Variants in KCNQ1 observed in about 807,000 individuals in gnomAD.
KCNQ1 encodes the protein potassium voltage-gated channel subfamily Q member 1.
Under a neutral mutation model 72.4 loss-of-function variants are expected in KCNQ1, and 49 were observed. The ratio of observed to expected loss-of-function variants is 0.68; its 90% CI spans 0.54 to 0.86. The LOEUF (loss-of-function observed/expected upper bound fraction) is 0.86, where lower values mean the gene tolerates loss of function less well. KCNQ1 is among the 40% of genes least tolerant of loss of function. The pLI is 0.00. For missense variants in KCNQ1, 790 were observed against 945.1 expected (o/e 0.84, Z 2.15); for synonymous variants, 450 against 412.6 (o/e 1.09, Z -1.10).
intron 6 of KCNQ1, among the ~76,000 whole-genome samples, chr11:2,582,485 C>T (rs1848514910): frequency 6.6e-6 from 1 of 152,242 alleles, no homozygotes; most frequent in Admixed American, 6.5e-5. Flanking sequence ...CTGGGGCATT[C>T]CTGGGCCTGC....
Position 2,809,011 on chromosome 11 carries a change from G to A in KCNQ1, c.1794+30974G>A, listed in dbSNP as rs1847432700. On this transcript the variant is annotated intron_variant, in intron 15 of 15. Transcript: ENST00000155840. This position sits in a 1 kb window ranked among gnomAD's most constrained non-coding sequence, Gnocchi z 7.1. ...TGGAGGGAGGGAGGGAAGGAGGGAT[G>A]GATAAATGGAGGAATGGAGGAATGG... 6.7e-6 allele frequency among the ~76,000 whole-genome samples: 1 copy of A among 148,232 alleles called. No homozygotes were observed. Among genetic ancestry groups the A allele is most frequent in the Non-Finnish European group, 1.5e-5 (1 of 67,184 alleles).
chr11:2,502,051 T>A (rs1178867975), intron 1 of KCNQ1, among the ~76,000 whole-genome samples: 1 of 152,090 alleles, frequency 6.6e-6, no homozygotes. Flanking sequence ...TACCTCAACA[T>A]AATAAAAGCC....
Position 2,471,706 on chromosome 11 carries a change from GT to G in KCNQ1, c.386+26223del, listed in dbSNP as rs1846464890. ...TGTATGGGTGTGCATGTGTGTATAGGTGTGTGTATGTGTGCATGGGCGTGTG... is the reference window on the plus strand; with the variant it reads ...TGTATGGGTGTGCATGTGTGTATAGGGTGTGTATGTGTGCATGGGCGTGTG... On this transcript the variant is annotated intron_variant, in intron 1 of 15. Coordinates refer to ENST00000155840, the MANE Select transcript of KCNQ1 (RefSeq NM_000218.3). The surrounding 1 kb of genome is among the most constrained non-coding windows in gnomAD (Gnocchi z 4.8). Among the ~76,000 whole-genome samples, 7 of 150,704 alleles carry G rather than the reference GT, an allele frequency of 4.6e-5. No homozygotes were observed. In the East Asian group the frequency reaches 5.9e-4, roughly 13 times the overall value.
Position 2,735,797 on chromosome 11 carries a change from C to A in KCNQ1, c.1515-33047C>A, listed in dbSNP as rs1252289025. ...TTCCCCGGTGTTCTCATGGGGCCAT[C>A]CCTCTGTGTGTGCCCGAGTCACCTT... On this transcript the variant is annotated intron_variant, in intron 11 of 15. Coordinates refer to ENST00000155840, the MANE Select transcript of KCNQ1 (RefSeq NM_000218.3). This position sits in a 1 kb window ranked among gnomAD's most constrained non-coding sequence, Gnocchi z 7.7. Among the ~76,000 whole-genome samples the A allele has an allele frequency of 6.6e-6, 1 of 152,174 alleles. No individual in the cohort carries two copies. The highest frequency in any genetic ancestry group is 2.4e-5 in the African/African-American group (1 of 41,416).
At position 2,690,342 on chromosome 11, in the gene KCNQ1, C is replaced by G; in HGVS notation, c.1514+28261C>G. 7.5e-6 allele frequency: 3 copies of G among 398,658 alleles called. No individual in the cohort carries two copies. The highest frequency in any genetic ancestry group is 1.3e-5 in the Non-Finnish European group (3 of 226,100). The allele number at this position is 398,658 out of a possible 1,614,324, so 24.7% of individuals were successfully genotyped here. A position where few individuals can be genotyped will look rare whatever the true frequency, so the allele number is the denominator to read the frequency against. On this transcript the variant is annotated intron_variant, in intron 11 of 15. Coordinates refer to ENST00000155840, the MANE Select transcript of KCNQ1 (RefSeq NM_000218.3). The surrounding 1 kb of genome is among the most constrained non-coding windows in gnomAD (Gnocchi z 5.1). ...TAAATGATGTCAAGTCTGAGGCTGC[C>G]CTGCAGCTGCTGTTTCCACTACTTG... is the stretch of plus-strand genomic sequence containing the variant.
Position 2,769,367 on chromosome 11 carries a change from C to T in KCNQ1, c.1590+448C>T, listed in dbSNP as rs933346528. On this transcript the variant is annotated intron_variant, in intron 12 of 15. Transcript: ENST00000155840. This position sits in a 1 kb window ranked among gnomAD's most constrained non-coding sequence, Gnocchi z 4.6. ...CCTCCACTGGCTCAGTGCTCTCATT[C>T]CCTGCTCCTCCACCCTCTGTGAGTT... Among the ~76,000 whole-genome samples, 1 of 152,196 alleles carries T rather than the reference C, an allele frequency of 6.6e-6. No homozygotes were observed. The highest frequency in any genetic ancestry group is 2.4e-5 in the African/African-American group (1 of 41,466).
chr11:2,773,329 C>G (rs1846632747), intron 12 of KCNQ1, among the ~76,000 whole-genome samples: 1 of 151,784 alleles, frequency 6.6e-6, no homozygotes, highest in Non-Finnish European at 1.5e-5. Flanking sequence ...ACTCATCTTA[C>G]AGAAAGGAGG....
At position 2,642,486 on chromosome 11, in the gene KCNQ1, T is replaced by C. The variant is rs931893599; in HGVS notation, c.1394-19475T>C. 7.5e-6 allele frequency: 3 copies of C among 397,952 alleles called. No homozygotes were observed. Among genetic ancestry groups the C allele is most frequent in the East Asian group, 7.2e-5 (2 of 27,968 alleles). 24.7% of individuals were successfully genotyped at this position (397,952 alleles called of 1,614,324 possible). On this transcript the variant is annotated intron_variant, in intron 10 of 15. Coordinates refer to ENST00000155840, the MANE Select transcript of KCNQ1 (RefSeq NM_000218.3). This position sits in a 1 kb window ranked among gnomAD's most constrained non-coding sequence, Gnocchi z 4.3. ...ATTTATTGATCAGACTGAAGAGTTT[T>C]GATTTTTGTATTTCATGGTATGAGT... is the stretch of plus-strand genomic sequence containing the variant.
At chr11:2,753,056 A>C (rs1177221356) in intron 11 of KCNQ1, among the ~76,000 whole-genome samples, 1 of 152,170 alleles carries the variant, frequency 6.6e-6, no homozygotes, top group Non-Finnish European at 1.5e-5. Context: ...TGTGTGATGC[A>C]TCAACCCAGG....
In KCNQ1 at chr11:2,565,674, T is replaced by A. The variant is rs773284560; in HGVS notation, c.478-4954T>A. Among the ~76,000 whole-genome samples, 1 of 152,152 alleles carries A rather than the reference T, an allele frequency of 6.6e-6. No individual in the cohort carries two copies. Among genetic ancestry groups the A allele is most frequent in the Non-Finnish European group, 1.5e-5 (1 of 68,016 alleles). On this transcript the variant is annotated intron_variant, in intron 2 of 15. Transcript: ENST00000155840. This position sits in a 1 kb window ranked among gnomAD's most constrained non-coding sequence, Gnocchi z 5.6. The stretch of plus-strand genomic sequence containing the variant: ...TGGGGGGCAGGGACCCAGAAACTCA[T>A]TGCTTTCAGGCCTTGCTAGAAAAGC...
intron 15 of KCNQ1, among the ~76,000 whole-genome samples, chr11:2,842,697 G>A (rs573091558): frequency 2.0e-5 from 3 of 152,184 alleles, no homozygotes; most frequent in South Asian, 2.1e-4. Context: ...CATGCCTCCC[G>A]TGTGCACAGC....
intron 1 of KCNQ1, among the ~76,000 whole-genome samples, chr11:2,489,526 C>T (rs933111770): frequency 4.9e-5 from 7 of 143,126 alleles, no homozygotes; most frequent in African/African-American, 2.0e-4. Context: ...GGGCTCAGAG[C>T]CAGTGGATGT....
rs868627300 is a variant in KCNQ1, at chr11:2,830,516, A to G, written c.1795-17251A>G. Among the ~76,000 whole-genome samples, 15 of 152,204 alleles carry G rather than the reference A, an allele frequency of 9.9e-5. No individual in the cohort carries two copies. Among genetic ancestry groups the G allele is most frequent in the Non-Finnish European group, 1.8e-4 (12 of 67,968 alleles). On this transcript the variant is annotated intron_variant, in intron 15 of 15. Transcript: ENST00000155840. This position sits in a 1 kb window ranked among gnomAD's most constrained non-coding sequence, Gnocchi z 7.7. ...CCCACACCCCAGTCCCAGTGTCCCAAGAACCTCTTCCTCCAGCCCCGGGAG... is the reference window on the plus strand; with the variant it reads ...CCCACACCCCAGTCCCAGTGTCCCAGGAACCTCTTCCTCCAGCCCCGGGAG...
At chr11:2,694,513 C>A (rs1041370233) in intron 11 of KCNQ1, 3 of 398,616 alleles carry the variant, frequency 7.5e-6, no homozygotes, top group East Asian at 3.6e-5. Flanking sequence ...GGCTAAGAAA[C>A]CCTGGTTGCA....
At chr11:2,742,159 G>A (rs1330332267) in intron 11 of KCNQ1, among the ~76,000 whole-genome samples, 1 of 152,270 alleles carries the variant, frequency 6.6e-6, no homozygotes, top group Non-Finnish European at 1.5e-5. Flanking sequence ...CTGACCTTGA[G>A]GTGAACAGAG....
intron 6 of KCNQ1, among the ~76,000 whole-genome samples, chr11:2,578,213 C>T (rs576267574): frequency 2.0e-5 from 3 of 152,330 alleles, no homozygotes; most frequent in South Asian, 2.1e-4. Flanking sequence ...TGCACCTTCC[C>T]GAGAGGGGGA....
At position 2,454,975 on chromosome 11, in the gene KCNQ1, A is replaced by G. The variant is rs561277303; in HGVS notation, c.386+9491A>G. ...ATCCAAATAGGAAAAGAGGAACTCA[A>G]ATCATCTCCCTTCACCGATGATGAT... is the stretch of plus-strand genomic sequence containing the variant. On this transcript the variant is annotated intron_variant, in intron 1 of 15. Transcript: ENST00000155840. 2.2e-3 allele frequency among the ~76,000 whole-genome samples: 342 copies of G among 152,304 alleles called. 3 individuals are homozygous for G. The highest frequency in any genetic ancestry group is 4.2e-3 in the Non-Finnish European group (286 of 68,030).
At position 2,556,556 on chromosome 11, in the gene KCNQ1, C is replaced by A. The variant is rs528945334; in HGVS notation, c.478-14072C>A. On this transcript the variant is annotated intron_variant, in intron 2 of 15. Coordinates refer to ENST00000155840, the MANE Select transcript of KCNQ1 (RefSeq NM_000218.3). ...AAATTGTCTGCTGGAGTTGTTGCAA[C>A]AGAAATCGCGTGGCCTGCAAAGCCT... Among the ~76,000 whole-genome samples, 166 of 152,322 alleles carry A rather than the reference C, an allele frequency of 1.1e-3. 1 individual carries two copies. The highest frequency in any genetic ancestry group is 3.8e-3 in the African/African-American group (160 of 41,572).
intron 11 of KCNQ1, chr11:2,697,301 T>A (rs1850693956): frequency 2.5e-6 from 1 of 398,582 alleles, no homozygotes; most frequent in South Asian, 1.3e-4. Context: ...ACCAAAATGT[T>A]TGAGAATCTT....
Sources: gnomAD v4.1 joint callset for allele counts (sites outside exome capture counted in the v4.1 genomes callset) on GRCh38, gnomAD v4.1.1 for gene constraint, Gnocchi (gnomAD v3.1) non-coding constraint, MANE v1.5 for transcripts, NCBI Gene and HGNC (gene_info 2026-07-23, HGNC 2026-07-21) for gene names.